The following GYG1 variants were observed in gnomAD, a reference collection of about 807,000 sequenced individuals.
GYG1 encodes the protein glycogenin 1.
In GYG1, 44 loss-of-function variants were observed where a neutral mutation model predicts 41.9. The observed-to-expected ratio is 1.05, with a 90% confidence interval of 0.83 to 1.35. The LOEUF (loss-of-function observed/expected upper bound fraction) is 1.35. GYG1 is among the 40% of genes most tolerant of loss of function. The probability of loss-of-function intolerance (pLI) is 0.00; values close to 1 mark genes in which losing one functional copy is unlikely to be tolerated. For missense variants in GYG1, 429 were observed against 418.9 expected (o/e 1.02, Z -0.21); for synonymous variants, 141 against 158.1 (o/e 0.89, Z 0.81).
chr3:149,006,285 A>G (rs201533597), intron 4 of GYG1, among the ~76,000 whole-genome samples: 1 of 151,548 alleles, frequency 6.6e-6, no homozygotes, highest in Non-Finnish European at 1.5e-5. Context: ...GTTTCACCAT[A>G]TTGGTCAGGC....
chr3:148,997,055 TGTG>T (rs1411760266), intron 4 of GYG1, 151 bp downstream of exon 4: 10 of 45,086 alleles, frequency 2.2e-4, no homozygotes, highest in East Asian at 8.7e-4. Context: ...TGGGAAATAT[TGTG>T]TGTGTGTGTG....
intron 5 of GYG1, among the ~76,000 whole-genome samples, chr3:149,009,823 G>T (rs79994800): frequency 2.6e-5 from 4 of 152,196 alleles, no homozygotes; most frequent in African/African-American, 9.7e-5. Context: ...CATAATTGTT[G>T]TGGGGATTAA....
chr3:148,994,183 A>G lies in GYG1; in HGVS notation c.49A>G (p.Lys17Glu). 6.2e-7 allele frequency: 1 copy of G among 1,613,882 alleles called. No individual in the cohort carries two copies. The highest frequency in any genetic ancestry group is 8.5e-7 in the Non-Finnish European group (1 of 1,179,842). ...ACTAACCACAAACGATGCCTACGCCAAAGGTGCCCTGGTCCTGGGATCATC... is the reference window on the plus strand; with the variant it reads ...ACTAACCACAAACGATGCCTACGCCGAAGGTGCCCTGGTCCTGGGATCATC... ...VTLTTNDAYAKGALVLGSSLK... is the reference protein window; with the variant it reads ...VTLTTNDAYAEGALVLGSSLK... Residue 17 changes from lysine to glutamate, a missense_variant, in exon 2 of 8, where the codon AAA becomes GAA. Physicochemically the swap from Lys to Glu is moderately conservative, Grantham distance 56. Transcript: ENST00000345003.
At chr3:149,006,080 CTTTT>C (rs34268321) in intron 4 of GYG1, among the ~76,000 whole-genome samples, 1 of 117,216 alleles carries the variant, frequency 8.5e-6, no homozygotes, top group Non-Finnish European at 1.7e-5. Context: ...TCATCATATT[CTTTT>C]TTTTTTTTTT....
At chr3:149,024,333 C>T (rs1191938829) in intron 6 of GYG1, 61 bp downstream of exon 6, 6 of 1,000,000 alleles carry the variant, frequency 6.0e-6, no homozygotes, top group Non-Finnish European at 9.7e-6. Flanking sequence ...ATTGTTGTAT[C>T]AATAGAGATG....
rs374462506 is a variant in GYG1 at position 149,010,983 on chromosome 3, C to G, written c.608+1581C>G. Among the ~76,000 whole-genome samples, 47 of 152,300 alleles carry G rather than the reference C, an allele frequency of 3.1e-4. No individual in the cohort carries two copies. In the East Asian group the frequency reaches 3.5e-3, roughly 11 times the overall value. On this transcript the variant is annotated intron_variant, in intron 5 of 7. Transcript: ENST00000345003. ...TAGCAGCAATGTTTCCTTTTCTGTT[C>G]TTTTCTGGGAAGACTCTATCAACAT...
At chr3:149,014,235 C>T (rs759230639) in intron 5 of GYG1, among the ~76,000 whole-genome samples, 7 of 152,012 alleles carry the variant, frequency 4.6e-5, no homozygotes, top group Non-Finnish European at 7.4e-5. Context: ...TGACCTCATC[C>T]GAAGTGTTTA....
rs1361272884 is a variant in GYG1 at position 149,029,310 on chromosome 3, T to C, written c.*2377T>C. Among the ~76,000 whole-genome samples the C allele has an allele frequency of 2.0e-5, 3 of 152,200 alleles. No homozygotes were observed. Among genetic ancestry groups the C allele is most frequent in the Non-Finnish European group, 4.4e-5 (3 of 68,028 alleles). The stretch of plus-strand genomic sequence containing the variant: ...ACAGTAATTCAAATTACAAGATTTA[T>C]ATTTGCAGAGGTGATCCATATATAC... On this transcript the variant is annotated 3_prime_UTR_variant, in exon 8 of 8. Transcript: ENST00000345003.
At chr3:149,004,902 C>T (rs773783940) in intron 4 of GYG1, among the ~76,000 whole-genome samples, 8 of 152,190 alleles carry the variant, frequency 5.3e-5, no homozygotes, top group South Asian at 2.1e-4. Flanking sequence ...TAAACAGAAA[C>T]GGCCTTTTGT....
chr3:149,028,145 A>T lies in GYG1; in HGVS notation c.*1212A>T, dbSNP rs1315920305. On this transcript the variant is annotated 3_prime_UTR_variant, in exon 8 of 8. Coordinates refer to ENST00000345003, the MANE Select transcript of GYG1 (RefSeq NM_004130.4). Reference sequence around the variant, plus strand: ...GAAGAAAACAGGACAGTTAACCATGACAGGAAGAAACTTTAGAGGTTTGAT... The same window carrying T: ...GAAGAAAACAGGACAGTTAACCATGTCAGGAAGAAACTTTAGAGGTTTGAT... Among the ~76,000 whole-genome samples, 1 of 152,202 alleles carries T rather than the reference A, an allele frequency of 6.6e-6. No homozygotes were observed. The highest frequency in any genetic ancestry group is 2.4e-5 in the African/African-American group (1 of 41,468).
Position 149,024,127 on chromosome 3 carries a change from C to T in GYG1, c.683C>T (p.Thr228Ile), listed in dbSNP as rs201672568. 99 of 1,613,868 alleles carry T rather than the reference C, an allele frequency of 6.1e-5. 1 individual carries two copies. The Middle Eastern group carries it at 8.2e-4, about 13-fold the overall frequency. Residue 228 changes from threonine to isoleucine, a missense_variant, in exon 6 of 8, where the codon ACA becomes ATA. By Grantham distance (89) the Thr-to-Ile change is moderately conservative. Transcript: ENST00000345003. Reference protein sequence around the residue: ...KPWNYTYDPKTKSVKSEAHDP... With the variant: ...KPWNYTYDPKIKSVKSEAHDP... ...TGGAATTATACTTATGATCCCAAAA[C>T]AAAAAGTGTCAAAAGTGAGGCCCAT...
At chr3:149,013,371 A>G (rs1175199962) in intron 5 of GYG1, among the ~76,000 whole-genome samples, 1 of 152,150 alleles carries the variant, frequency 6.6e-6, no homozygotes, top group Non-Finnish European at 1.5e-5. Context: ...TTTGCTTTCT[A>G]TTATATCCAC....
chr3:149,017,716 G>A (rs768572307), intron 5 of GYG1, among the ~76,000 whole-genome samples: 9 of 142,970 alleles, frequency 6.3e-5, no homozygotes, highest in Non-Finnish European at 9.0e-5. Flanking sequence ...TAATTCTCCT[G>A]CATCAGCCTC....
At position 149,029,491 on chromosome 3, in the gene GYG1, C is replaced by A. The variant is rs1293674579; in HGVS notation, c.*2558C>A. On this transcript the variant is annotated 3_prime_UTR_variant, in exon 8 of 8. Transcript: ENST00000345003. ...TTGTTTACCTTAATTCTCCTTATAC[C>A]CATATTGTCCTGCTGTATAACACAT... Among the ~76,000 whole-genome samples the A allele has an allele frequency of 6.9e-6, 1 of 145,058 alleles. No individual in the cohort carries two copies. The highest frequency in any genetic ancestry group is 1.5e-5 in the Non-Finnish European group (1 of 66,952).
rs116221187 is a variant in GYG1 at position 149,006,639 on chromosome 3, T to C, written c.482-2637T>C. Among the ~76,000 whole-genome samples the C allele has an allele frequency of 3.4e-3, 523 of 152,366 alleles. 5 individuals carry two copies. Among genetic ancestry groups the C allele is most frequent in the African/African-American group, 0.012 (506 of 41,584 alleles). Reference sequence around the variant, plus strand: ...GGATGTACCATATCCATATACCTGCTGAGTGACATTTGAGCTGTTTTCAGT... The same window carrying C: ...GGATGTACCATATCCATATACCTGCCGAGTGACATTTGAGCTGTTTTCAGT... On this transcript the variant is annotated intron_variant, in intron 4 of 7. Transcript: ENST00000345003.
In GYG1 at chr3:149,000,366, A is replaced by G. The variant is rs1229060061; in HGVS notation, c.481+3462A>G. On this transcript the variant is annotated intron_variant, in intron 4 of 7. Transcript: ENST00000345003. ...TACATATTTCCCGAAAAGTTGAACA[A>G]TAGCTGTTGTGAAATAGTTCTACAC... Among the ~76,000 whole-genome samples the G allele has an allele frequency of 5.3e-5, 8 of 152,330 alleles. No individual in the cohort carries two copies. The East Asian group carries it at 1.5e-3, about 29-fold the overall frequency.
chr3:149,028,734 G>A lies in GYG1; in HGVS notation c.*1801G>A, dbSNP rs1311010217. Reference sequence around the variant, plus strand: ...TTTTTTTTTTTTTTTTTTTTCTTGAGGCAGAGTCTTGCTCTGTCAGTCAGT... The same window carrying A: ...TTTTTTTTTTTTTTTTTTTTCTTGAAGCAGAGTCTTGCTCTGTCAGTCAGT... On this transcript the variant is annotated 3_prime_UTR_variant, in exon 8 of 8. Coordinates refer to ENST00000345003, the MANE Select transcript of GYG1 (RefSeq NM_004130.4). Among the ~76,000 whole-genome samples the A allele has an allele frequency of 1.4e-5, 2 of 141,054 alleles. No homozygotes were observed. The highest frequency in any genetic ancestry group is 5.4e-5 in the African/African-American group (2 of 37,094). The allele number at this position is 141,054 out of a possible 152,430, so 92.5% of individuals were successfully genotyped here. A position where few individuals can be genotyped will look rare whatever the true frequency, so the allele number is the denominator to read the frequency against.
intron 5 of GYG1, among the ~76,000 whole-genome samples, chr3:149,011,922 G>T (rs1054516181): frequency 1.3e-5 from 2 of 152,146 alleles, no homozygotes; most frequent in Non-Finnish European, 2.9e-5. Context: ...CAGCTTGTGG[G>T]GGTCAGCTCT....
At chr3:149,012,082 A>AT (rs1278757316) in intron 5 of GYG1, among the ~76,000 whole-genome samples, 2 of 152,088 alleles carry the variant, frequency 1.3e-5, no homozygotes, top group African/African-American at 2.4e-5. Context: ...ATCCAGAGAC[A>AT]TTTTTCCTTA....
Sources: allele counts gnomAD v4.1 joint callset (sites outside exome capture counted in the v4.1 genomes callset), GRCh38; gene constraint gnomAD v4.1.1; transcripts MANE v1.5; gene names NCBI Gene and HGNC (gene_info 2026-07-23, HGNC 2026-07-21).